The following PTPN4 variants were observed in gnomAD, a reference collection of about 807,000 sequenced individuals.
The protein encoded by PTPN4 is tyrosine-protein phosphatase non-receptor type 4.
Under a neutral mutation model 135.5 loss-of-function variants are expected in PTPN4, and 49 were observed. The observed-to-expected ratio is 0.36, with a 90% CI of 0.29 to 0.46. The LOEUF (loss-of-function observed/expected upper bound fraction) is 0.46, where lower values mean the gene tolerates loss of function less well. Among genes scored for constraint, PTPN4 ranks in the 20% least tolerant of loss-of-function variants. The probability of loss-of-function intolerance (pLI) is 1.00; values close to 1 mark genes in which losing one functional copy is unlikely to be tolerated. For missense variants in PTPN4, 860 were observed against 1,101.0 expected, an observed-to-expected ratio of 0.78 and a Z score of 3.10; for synonymous variants, 333 against 369.9, an observed-to-expected ratio of 0.90 and a Z score of 1.14.
intron 1 of PTPN4, among the ~76,000 whole-genome samples, chr2:119,777,062 G>A (rs1308152868): frequency 2.0e-5 from 3 of 152,168 alleles, no homozygotes; most frequent in Non-Finnish European, 4.4e-5. Flanking sequence ...GGCCAAAAAA[G>A]CCCTACATGG....
chr2:119,955,472 A>C (rs1679266598), intron 20 of PTPN4, 149 bp downstream of exon 20: 1 of 691,448 alleles, frequency 1.4e-6, no homozygotes. Flanking sequence ...TAAAATGCCA[A>C]GTTTTAAAAA....
intron 3 of PTPN4, among the ~76,000 whole-genome samples, chr2:119,866,970 G>C (rs1392900332): frequency 6.6e-6 from 1 of 152,088 alleles, no homozygotes; most frequent in Non-Finnish European, 1.5e-5. Flanking sequence ...GTTGTATTTT[G>C]AGAGGGAATG....
chr2:119,774,674 G>C (rs147096795), intron 1 of PTPN4, among the ~76,000 whole-genome samples: 1 of 152,288 alleles, frequency 6.6e-6, no homozygotes, highest in Non-Finnish European at 1.5e-5. Flanking sequence ...AAAAATGTCA[G>C]GATAACAGCA....
At chr2:119,887,828 G>C (rs1678181590) in intron 9 of PTPN4, among the ~76,000 whole-genome samples, 1 of 151,948 alleles carries the variant, frequency 6.6e-6, no homozygotes, top group Admixed American at 6.5e-5. Context: ...TGTTCTTTTT[G>C]CTCCGGATTG....
At chr2:119,925,483 G>A (rs894704313) in intron 12 of PTPN4, among the ~76,000 whole-genome samples, 1 of 145,756 alleles carries the variant, frequency 6.9e-6, no homozygotes, top group Non-Finnish European at 1.6e-5. Flanking sequence ...AATCATCAAA[G>A]TGGTTAGACA....
intron 12 of PTPN4, among the ~76,000 whole-genome samples, chr2:119,922,021 G>T (rs1396481465): frequency 6.6e-6 from 1 of 151,992 alleles, no homozygotes; most frequent in Non-Finnish European, 1.5e-5. Context: ...TATAATTCAA[G>T]CAAGTCTCAG....
At chr2:119,765,704 G>A (rs186341030) in intron 1 of PTPN4, among the ~76,000 whole-genome samples, 1 of 152,342 alleles carries the variant, frequency 6.6e-6, no homozygotes, top group East Asian at 1.9e-4. Context: ...ACAATTCATA[G>A]TGACAGTGTA....
intron 11 of PTPN4, among the ~76,000 whole-genome samples, chr2:119,919,033 T>A (rs1035835817): frequency 6.6e-6 from 1 of 152,144 alleles, no homozygotes; most frequent in African/African-American, 2.4e-5. Context: ...TATTCTATGG[T>A]GATAAAGGCA....
chr2:119,913,811 T>C (rs140207055), intron 10 of PTPN4, among the ~76,000 whole-genome samples: 4 of 152,274 alleles, frequency 2.6e-5, no homozygotes, highest in African/African-American at 4.8e-5. Flanking sequence ...TAAAATGTTA[T>C]ACAAAATGAC....
intron 8 of PTPN4, 64 bp from the exon 9 acceptor site, chr2:119,885,731 A>G: frequency 8.5e-7 from 1 of 1,177,638 alleles, no homozygotes; most frequent in East Asian, 2.5e-5. Flanking sequence ...GCCTTTTTCT[A>G]ATTTAGCCAT....
At chr2:119,968,779 G>A (rs1394335838) in intron 26 of PTPN4, among the ~76,000 whole-genome samples, 1 of 152,088 alleles carries the variant, frequency 6.6e-6, no homozygotes, top group African/African-American at 2.4e-5. Flanking sequence ...GTGACAGAGT[G>A]CGACTCAGTC....
At chr2:119,910,981 G>A (rs1678563029) in intron 10 of PTPN4, among the ~76,000 whole-genome samples, 1 of 152,064 alleles carries the variant, frequency 6.6e-6, no homozygotes, top group African/African-American at 2.4e-5. Flanking sequence ...AAAATGACCT[G>A]AGAAGAAAAG....
At chr2:119,975,939 C>T (rs1322740934) in intron 26 of PTPN4, among the ~76,000 whole-genome samples, 2 of 151,676 alleles carry the variant, frequency 1.3e-5, no homozygotes, top group Middle Eastern at 3.2e-3. Context: ...TCCCATTTCC[C>T]TCCATCCCTT....
chr2:119,904,813 G>A (rs12463501), intron 10 of PTPN4, among the ~76,000 whole-genome samples: 146,660 of 152,232 alleles, frequency 0.96, 70,896 homozygotes, highest in East Asian at 1. Flanking sequence ...CCCTTCAGAA[G>A]TGAAGTAGAA....
Position 119,955,208 on chromosome 2 carries a change from A to G in PTPN4, c.1865A>G (p.Tyr622Cys). 1 of 1,613,426 alleles carries G rather than the reference A, an allele frequency of 6.2e-7. No homozygotes were observed. The highest frequency in any genetic ancestry group is 8.5e-7 in the Non-Finnish European group (1 of 1,179,782). The change falls in exon 20 of 27, where the codon TAT (tyrosine) becomes TGT (cysteine). Residue 622 changes from tyrosine to cysteine, a missense_variant. By Grantham distance (194) the Tyr-to-Cys change is radical. Coordinates refer to ENST00000263708, the MANE Select transcript of PTPN4 (RefSeq NM_002830.4). ...EKLENEPDFQ[Y>C]IPEKAPLDSV... ...CTAGAAAATGAGCCAGATTTCCAGT[A>G]TATTCCTGAGAAAGCCCCACTAGAT...
intron 20 of PTPN4, among the ~76,000 whole-genome samples, chr2:119,955,622 G>C (rs1242233398): frequency 1.3e-5 from 2 of 152,112 alleles, no homozygotes; most frequent in African/African-American, 4.8e-5. Flanking sequence ...GGCAGATGAA[G>C]ATAGGCTATT....
chr2:119,933,662 CA>C (rs34318106), intron 14 of PTPN4, among the ~76,000 whole-genome samples: 4,857 of 80,306 alleles, frequency 0.06, 94 homozygotes, highest in Middle Eastern at 0.1. Context: ...GACCCTGTCT[CA>C]AAAAAAAAAA....
At chr2:119,875,267 T>C (rs1677968290) in intron 3 of PTPN4, among the ~76,000 whole-genome samples, 1 of 152,190 alleles carries the variant, frequency 6.6e-6, no homozygotes, top group African/African-American at 2.4e-5. Flanking sequence ...CCAAGAACCT[T>C]AACCCTATCT....
intron 11 of PTPN4, among the ~76,000 whole-genome samples, chr2:119,918,446 A>G (rs1056500328): frequency 1.3e-5 from 2 of 152,222 alleles, no homozygotes; most frequent in Admixed American, 1.3e-4. Context: ...TTGTATATGC[A>G]TCCTGATAGA....
Sources: gnomAD v4.1 joint callset for allele counts (sites outside exome capture counted in the v4.1 genomes callset) on GRCh38, gnomAD v4.1.1 for gene constraint, MANE v1.5 for transcripts, NCBI Gene and HGNC (gene_info 2026-07-23, HGNC 2026-07-21) for gene names.